Variants in DCP1B observed in about 807,000 individuals in gnomAD.
DCP1B encodes the protein mRNA-decapping enzyme 1B.
Under a neutral mutation model 60.5 loss-of-function variants are expected in DCP1B, and 47 were observed. The observed-to-expected ratio is 0.78, with a 90% confidence interval of 0.61 to 0.99. The LOEUF (loss-of-function observed/expected upper bound fraction) is 0.99, where lower values mean the gene tolerates loss of function less well. Ranked by LOEUF, DCP1B falls within the 50% of genes least tolerant of loss-of-function variation. DCP1B has a pLI of 0.00. For synonymous variants in DCP1B, 267 were observed against 280.3 expected, an observed-to-expected ratio of 0.95 and a Z score of 0.47; for missense variants, 725 against 756.8, an observed-to-expected ratio of 0.96 and a Z score of 0.49.
Position 1,952,517 on chromosome 12 carries a change from C to T in DCP1B, c.1423G>A (p.Ala475Thr), listed in dbSNP as rs757747292. 61 of 1,614,000 alleles carry T rather than the reference C, an allele frequency of 3.8e-5. No individual in the cohort carries two copies. The highest frequency in any genetic ancestry group is 2.0e-4 in the Admixed American group (12 of 60,004). Residue 475 changes from alanine (A) to threonine (T), a missense_variant, in exon 7 of 9, where the codon GCT becomes ACT. By Grantham distance (58) the Ala-to-Thr change is moderately conservative (BLOSUM62 0). Coordinates refer to ENST00000280665, the MANE Select transcript of DCP1B (RefSeq NM_152640.5). ...CTCTGAGCGAGCACAGGAAACTTAG[C>T]GGCCAAGGCTGGCCGGTTAGAGGCA... ...LHASNRPALAAKFPVLAQSSG... is the reference protein window; with the variant it reads ...LHASNRPALATKFPVLAQSSG...
At chr12:1,946,343 G>C (rs528916312) in intron 8 of DCP1B, 57 bp from the exon 9 acceptor site, 211 of 1,412,850 alleles carry the variant, frequency 1.5e-4, no homozygotes, top group Middle Eastern at 1.8e-4. Flanking sequence ...GACACAAAAG[G>C]CTTCCTCTGT....
downstream of DCP1B, among the ~76,000 whole-genome samples, chr12:1,942,834 G>A (rs186629493): frequency 4.6e-5 from 7 of 152,264 alleles, no homozygotes; most frequent in African/African-American, 1.7e-4. Flanking sequence ...AATGCCTGCA[G>A]AAGAAAGCGG....
intron 3 of DCP1B, among the ~76,000 whole-genome samples, chr12:1,979,556 CCCGCCTCAG>C (rs2154463885): frequency 6.6e-6 from 1 of 152,380 alleles, no homozygotes; most frequent in African/African-American, 2.4e-5. Context: ...AAGTGATCCG[CCCGCCTCAG>C]CCTCCCATAG....
At chr12:1,986,293 A>T (rs1291991896) in intron 3 of DCP1B, among the ~76,000 whole-genome samples, 3 of 152,110 alleles carry the variant, frequency 2.0e-5, no homozygotes, top group African/African-American at 7.2e-5. Context: ...GAATTAGGAG[A>T]TCTCCTCATC....
At chr12:1,980,526 GT>G (rs1165664522) in intron 3 of DCP1B, among the ~76,000 whole-genome samples, 3 of 151,448 alleles carry the variant, frequency 2.0e-5, no homozygotes, top group African/African-American at 7.3e-5. Context: ...CCAGTCTGTG[GT>G]TTTTCTTTTC....
At chr12:1,945,386 T>C (rs11062031), downstream of DCP1B, among the ~76,000 whole-genome samples, 8,103 of 152,274 alleles carry the variant, frequency 0.053, 677 homozygotes, top group African/African-American at 0.18. Context: ...CTCAAGGATC[T>C]AGAACCAGAA....
intron 3 of DCP1B, chr12:1,991,146 G>A (rs1483488831): frequency 8.8e-6 from 4 of 456,144 alleles, no homozygotes; most frequent in Non-Finnish European, 1.8e-5. Flanking sequence ...ATGTTTAATA[G>A]TAGAGCAGTA....
At chr12:1,947,704 G>A (rs1367259613) in intron 8 of DCP1B, among the ~76,000 whole-genome samples, 3 of 152,154 alleles carry the variant, frequency 2.0e-5, no homozygotes, top group Admixed American at 2.0e-4. Context: ...TTTAAAAGGT[G>A]GCAAATATTT....
At chr12:1,987,099 T>TA (rs1326126993) in intron 3 of DCP1B, among the ~76,000 whole-genome samples, 1 of 151,954 alleles carries the variant, frequency 6.6e-6, no homozygotes, top group Non-Finnish European at 1.5e-5. Context: ...CACGCATGCT[T>TA]AAAAAAAAGA....
At chr12:1,955,701 A>G (rs2030861511) in intron 5 of DCP1B, 141 bp from the exon 6 acceptor site, 3 of 1,011,032 alleles carry the variant, frequency 3.0e-6, no homozygotes, top group Non-Finnish European at 4.1e-6. Flanking sequence ...AATCCCTTAA[A>G]TTTCTCTAAG....
intron 3 of DCP1B, chr12:1,991,128 T>C (rs537981436): frequency 2.2e-6 from 1 of 456,198 alleles, no homozygotes; most frequent in South Asian, 1.5e-5. Flanking sequence ...TACCTTTAAT[T>C]TGCATCCATG....
chr12:1,993,582 T>A (rs951778967), intron 2 of DCP1B, among the ~76,000 whole-genome samples, 191 bp from the exon 3 acceptor site: 5 of 151,976 alleles, frequency 3.3e-5, no homozygotes, highest in African/African-American at 1.2e-4. Flanking sequence ...GCAGCAGCAC[T>A]GGCATGATGA....
chr12:1,949,412 G>C, intron 7 of DCP1B, 78 bp from the exon 8 acceptor site: 8 of 1,574,782 alleles, frequency 5.1e-6, no homozygotes, highest in Non-Finnish European at 6.9e-6. Flanking sequence ...GCAGATACGG[G>C]TGGTCTAAGC....
chr12:1,955,790 A>C lies in DCP1B; in HGVS notation c.523-230T>G, dbSNP rs192394801. Among the ~76,000 whole-genome samples the C allele has an allele frequency of 1.4e-4, 22 of 152,280 alleles. No individual in the cohort carries two copies. In the East Asian group the frequency reaches 1.9e-3, roughly 13 times the overall value. On this transcript the variant is annotated intron_variant, in intron 5 of 8. Transcript: ENST00000280665. ...TTCAGTGCTCTAAATATTACTAACA[A>C]CACCAGCCTCCAGGACCAGGGGTTC... is the stretch of plus-strand genomic sequence containing the variant.
At chr12:1,968,344 C>T (rs1304097436) in intron 3 of DCP1B, among the ~76,000 whole-genome samples, 1 of 147,492 alleles carries the variant, frequency 6.8e-6, no homozygotes, top group Admixed American at 6.7e-5. Context: ...AAGAGGGAAA[C>T]TCTGTCTCAA....
intron 5 of DCP1B, among the ~76,000 whole-genome samples, chr12:1,965,150 T>C (rs2031250813): frequency 6.6e-6 from 1 of 152,222 alleles, no homozygotes; most frequent in Admixed American, 6.5e-5. Flanking sequence ...AGTCTATTTT[T>C]ATGCCTTTCA....
rs1475543060 is a variant in DCP1B at position 1,952,597 on chromosome 12, G to A, written c.1343C>T (p.Ser448Phe). The change falls in exon 7 of 9, where the codon TCC (serine) becomes TTC (phenylalanine). Residue 448 changes from serine to phenylalanine, a missense_variant. Coordinates refer to ENST00000280665, the MANE Select transcript of DCP1B (RefSeq NM_152640.5). ...GSQTGSSGVISPQELLKKLQI... is the reference protein window; with the variant it reads ...GSQTGSSGVIFPQELLKKLQI... ...AAGCTTCTTCAGTAACTCTTGAGGG[G>A]AGATCACTCCAGAGCTGCCAGTCTG... 6.2e-7 allele frequency: 1 copy of A among 1,614,044 alleles called. No individual in the cohort carries two copies. The highest frequency in any genetic ancestry group is 1.3e-5 in the African/African-American group (1 of 74,914).
At chr12:1,993,900 A>G (rs1593265855) in intron 2 of DCP1B, among the ~76,000 whole-genome samples, 1 of 152,360 alleles carries the variant, frequency 6.6e-6, no homozygotes, top group East Asian at 1.9e-4. Context: ...AGTGATATGA[A>G]GCAACTCTGA....
intron 3 of DCP1B, among the ~76,000 whole-genome samples, chr12:1,974,356 T>C (rs1348052739): frequency 1.3e-5 from 2 of 152,178 alleles, no homozygotes; most frequent in African/African-American, 2.4e-5. Context: ...GAGAGTTTAT[T>C]TTGCTTCAAA....
Sources: gnomAD v4.1 joint callset for allele counts (sites outside exome capture counted in the v4.1 genomes callset) on GRCh38, gnomAD v4.1.1 for gene constraint, MANE v1.5 for transcripts, NCBI Gene and HGNC (gene_info 2026-07-23, HGNC 2026-07-21) for gene names.